HECW1: variants seen among roughly 807,000 people sequenced by gnomAD.
HECW1 encodes HECT, C2 and WW domain containing E3 ubiquitin protein ligase 1, also known as E3 ubiquitin-protein ligase HECW1.
In HECW1, 61 loss-of-function variants were observed where a neutral mutation model predicts 182.3. The ratio of observed to expected loss-of-function variants is 0.33; its 90% CI spans 0.27 to 0.41. The LOEUF is 0.41. HECW1 is among the 10% of genes least tolerant of loss of function. The pLI is 1.00. For missense variants in HECW1, 1,739 were observed against 2,108.9 expected (o/e 0.82, Z 3.44); for synonymous variants, 859 against 832.6 (o/e 1.03, Z -0.55).
intron 2 of HECW1, among the ~76,000 whole-genome samples, chr7:43,180,044 G>A (rs144721555): frequency 1.2e-4 from 18 of 149,078 alleles, no homozygotes; most frequent in Non-Finnish European, 2.7e-4. Context: ...AATCAGTAGA[G>A]GAGTTTCACA....
chr7:43,449,084 G>C (rs769794324), intron 11 of HECW1, among the ~76,000 whole-genome samples: 1 of 152,202 alleles, frequency 6.6e-6, no homozygotes, highest in African/African-American at 2.4e-5. Flanking sequence ...TAGCTTGGAG[G>C]AGTAATTAAC....
Position 43,445,077 on chromosome 7 carries a change from C to T in HECW1, c.1905C>T (p.Gly635=). 2 of 1,599,458 alleles carry T rather than the reference C, an allele frequency of 1.3e-6. No homozygotes were observed. Among genetic ancestry groups the T allele is most frequent in the Non-Finnish European group, 8.5e-7 (1 of 1,174,076 alleles). The change falls in exon 11 of 30, where the codon GGC becomes GGT. Residue 635 remains glycine (G), a synonymous_variant. Coordinates refer to ENST00000395891, the MANE Select transcript of HECW1 (RefSeq NM_015052.5). The part of the protein sequence containing the change: ...PGTAHPGHSG[G]HFPSLANGAA... ...CGGCGCACCCTGGCCACTCCGGGGG[C>T]CACTTCCCCAGCCTGGCCAATGGCG...
At chr7:43,280,018 G>A (rs1803683848) in intron 3 of HECW1, among the ~76,000 whole-genome samples, 1 of 152,210 alleles carries the variant, frequency 6.6e-6, no homozygotes, top group African/African-American at 2.4e-5. Flanking sequence ...TGGGGAGGCT[G>A]AAGAGGAGAA....
chr7:43,248,712 TCCTC>T (rs1799707172), intron 3 of HECW1: 1 of 123,952 alleles, frequency 8.1e-6, no homozygotes, highest in Middle Eastern at 3.9e-3. Context: ...CTCCTCCTCC[TCCTC>T]CTCCTCCTCC....
intron 6 of HECW1, among the ~76,000 whole-genome samples, chr7:43,366,476 G>C (rs1434329871): frequency 6.6e-6 from 1 of 152,190 alleles, no homozygotes; most frequent in Non-Finnish European, 1.5e-5. Context: ...GCTGCTATAG[G>C]TTATAAAATG....
chr7:43,507,102 A>G (rs201742349), intron 21 of HECW1, 35 bp from the exon 22 acceptor site: 1 of 1,588,918 alleles, frequency 6.3e-7, no homozygotes. Flanking sequence ...AGAAGAAGAA[A>G]GAAAGTGATG....
Position 43,445,422 on chromosome 7 carries a change from C to T in HECW1, c.2250C>T (p.Pro750=), listed in dbSNP as rs369845470. The stretch of plus-strand genomic sequence containing the variant: ...AGAACAGCGCGTTCGAGTCGGTACC[C>T]GACTCCATGCAGAGCCCTGAGCTGG... The part of the protein sequence containing the change: ...EEENSAFESV[P]DSMQSPELDP... Residue 750 remains proline (P), a synonymous_variant, in exon 11 of 30, where the codon CCC becomes CCT. Transcript: ENST00000395891. 1.2e-6 allele frequency: 2 copies of T among 1,613,294 alleles called. No individual in the cohort carries two copies. Among genetic ancestry groups the T allele is most frequent in the African/African-American group, 1.3e-5 (1 of 74,940 alleles).
At chr7:43,459,993 A>G (rs2077528316) in intron 13 of HECW1, among the ~76,000 whole-genome samples, 1 of 152,206 alleles carries the variant, frequency 6.6e-6, no homozygotes, top group African/African-American at 2.4e-5. Flanking sequence ...TCAGGTTAAC[A>G]TGTAATTGCT....
intron 6 of HECW1, among the ~76,000 whole-genome samples, chr7:43,393,545 T>C (rs559881259): frequency 3.3e-4 from 51 of 152,344 alleles, no homozygotes; most frequent in Non-Finnish European, 6.3e-4. Context: ...ATCATCAGTG[T>C]GGTGCTTAGA....
chr7:43,362,442 G>GT (rs1054792229), intron 6 of HECW1, among the ~76,000 whole-genome samples: 10 of 152,312 alleles, frequency 6.6e-5, no homozygotes, highest in African/African-American at 2.2e-4. Context: ...CGGCTTCGCT[G>GT]TTTTTCCCTC....
rs546680033 is a variant in HECW1, at chr7:43,177,777, C to T, written c.-32+63386C>T. The stretch of plus-strand genomic sequence containing the variant: ...CTGGCACAAACACTCTGGCTGGCAC[C>T]CTTCCTCCCATCTCAATGCCTTCTC... On this transcript the variant is annotated intron_variant, in intron 2 of 29. Transcript: ENST00000395891. 1.6e-4 allele frequency among the ~76,000 whole-genome samples: 25 copies of T among 152,252 alleles called. No homozygotes were observed. The South Asian group carries it at 4.8e-3, about 29-fold the overall frequency.
At chr7:43,438,173 C>T in intron 9 of HECW1, 28 bp downstream of exon 9, 1 of 1,601,628 alleles carries the variant, frequency 6.2e-7, no homozygotes. Flanking sequence ...ATCTTACTAT[C>T]ACTAGGTTCC....
intron 5 of HECW1, among the ~76,000 whole-genome samples, chr7:43,360,316 A>T (rs1815711422): frequency 6.6e-6 from 1 of 151,616 alleles, no homozygotes; most frequent in Non-Finnish European, 1.5e-5. Flanking sequence ...AGCTCAAGTG[A>T]TCCTCCTGCC....
At chr7:43,301,614 C>T (rs1459611566) in intron 3 of HECW1, among the ~76,000 whole-genome samples, 2 of 152,176 alleles carry the variant, frequency 1.3e-5, no homozygotes, top group African/African-American at 4.8e-5. Flanking sequence ...CAGTGGCTCA[C>T]GCCTGTAATT....
At chr7:43,427,238 C>T (rs1376608342) in intron 8 of HECW1, among the ~76,000 whole-genome samples, 1 of 152,152 alleles carries the variant, frequency 6.6e-6, no homozygotes, top group Non-Finnish European at 1.5e-5. Context: ...TGTCAGTCAA[C>T]CATATACTAC....
At chr7:43,493,006 A>G in intron 18 of HECW1, 78 bp from the exon 19 acceptor site, 1 of 922,348 alleles carries the variant, frequency 1.1e-6, no homozygotes, top group Non-Finnish European at 1.7e-6. Context: ...CCTGGTATCA[A>G]GCAGCCATTT....
chr7:43,511,946 G>A (rs1050076911), intron 24 of HECW1: 5 of 193,508 alleles, frequency 2.6e-5, no homozygotes, highest in African/African-American at 4.6e-5. Flanking sequence ...TCTGCAGCCC[G>A]CAGGTCCATG....
In HECW1 at chr7:43,264,794, A is replaced by C. The variant is rs189579813; in HGVS notation, c.27+20862A>C. ...AGGAGGCGGAGCTTGCAGTGAGCCG[A>C]GATCGCACCACTGCACTCCAGCCCG... is the stretch of plus-strand genomic sequence containing the variant. On this transcript the variant is annotated intron_variant, in intron 3 of 29. Transcript: ENST00000395891. Among the ~76,000 whole-genome samples, 1,290 of 150,332 alleles carry C rather than the reference A, an allele frequency of 8.6e-3. 18 individuals carry two copies. Among genetic ancestry groups the C allele is most frequent in the African/African-American group, 0.03 (1,234 of 40,766 alleles).
chr7:43,193,043 G>A (rs959587850), intron 2 of HECW1, among the ~76,000 whole-genome samples: 3 of 152,200 alleles, frequency 2.0e-5, no homozygotes, highest in Non-Finnish European at 4.4e-5. Flanking sequence ...CCAGGAAAGG[G>A]AATGGGAATT....
Sources: allele counts gnomAD v4.1 joint callset (sites outside exome capture counted in the v4.1 genomes callset), GRCh38; gene constraint gnomAD v4.1.1; transcripts MANE v1.5; gene names NCBI Gene and HGNC (gene_info 2026-07-23, HGNC 2026-07-21).